The following GPR37 variants were observed in gnomAD, a reference collection of about 807,000 sequenced individuals.
GPR37 encodes prosaposin receptor GPR37.
A neutral mutation model predicts 43.6 loss-of-function variants in GPR37; 20 were observed. That is an observed-to-expected ratio of 0.46 (90% CI 0.32 to 0.67). The LOEUF (loss-of-function observed/expected upper bound fraction) is 0.67, where lower values mean the gene tolerates loss of function less well. GPR37 is among the 30% of genes least tolerant of loss of function. GPR37 has a pLI of 0.03. For missense variants in GPR37, 724 were observed against 797.2 expected (o/e 0.91, Z 1.11); for synonymous variants, 315 against 322.6 (o/e 0.98, Z 0.25).
intron 1 of GPR37, among the ~76,000 whole-genome samples, chr7:124,757,939 A>T (rs1793809500): frequency 6.6e-6 from 1 of 152,212 alleles, no homozygotes; most frequent in Non-Finnish European, 1.5e-5. Context: ...GATTACAGAA[A>T]ATAATAAATT....
intron 1 of GPR37, among the ~76,000 whole-genome samples, chr7:124,761,952 C>CT (rs1479542537): frequency 2.6e-5 from 4 of 151,780 alleles, no homozygotes; most frequent in Admixed American, 1.3e-4. Flanking sequence ...CTTTGATTCT[C>CT]TAAGAAAAAT....
Position 124,764,195 on chromosome 7 carries a change from G to A in GPR37, c.782C>T (p.Ala261Val), listed in dbSNP as rs1286290988. Residue 261 changes from alanine (A) to valine (V), a missense_variant, in exon 1 of 2, where the codon GCC becomes GTC. Around this residue, in one of 2 missense-constraint regions of GPR37, gnomAD observed 382 missense variants for 355.4 expected, o/e 1.07. Coordinates refer to ENST00000303921, the MANE Select transcript of GPR37 (RefSeq NM_005302.5). This position sits in a 1 kb window ranked among gnomAD's most constrained non-coding sequence, Gnocchi z 5.4. ...CACGGACAGACACATGACCGCGTAG[G>A]CTCCATAGGACTCCTGGGTCAGCGG... ...FYPLTQESYG[A>V]YAVMCLSVVI... 2 of 1,593,328 alleles carry A rather than the reference G, an allele frequency of 1.3e-6. No individual in the cohort carries two copies. Among genetic ancestry groups the A allele is most frequent in the South Asian group, 2.3e-5 (2 of 86,934 alleles).
At chr7:124,757,626 C>T (rs1181359026) in intron 1 of GPR37, among the ~76,000 whole-genome samples, 1 of 152,192 alleles carries the variant, frequency 6.6e-6, no homozygotes, top group Non-Finnish European at 1.5e-5. Flanking sequence ...TTCTCCATCT[C>T]TGGTCATAAC....
intron 1 of GPR37, among the ~76,000 whole-genome samples, chr7:124,757,250 G>A (rs963232103): frequency 1.3e-5 from 2 of 152,042 alleles, no homozygotes; most frequent in African/African-American, 4.8e-5. Context: ...TTAATATACT[G>A]TTATTACATT....
intron 1 of GPR37, among the ~76,000 whole-genome samples, chr7:124,747,594 TG>T (rs1438881174): frequency 6.6e-6 from 1 of 152,138 alleles, no homozygotes; most frequent in Non-Finnish European, 1.5e-5. Context: ...CATTTAGGAC[TG>T]GAAGGATCCA....
At chr7:124,751,073 C>T (rs1793724936) in intron 1 of GPR37, among the ~76,000 whole-genome samples, 1 of 152,120 alleles carries the variant, frequency 6.6e-6, no homozygotes, top group African/African-American at 2.4e-5. Flanking sequence ...AAAGCTCCTA[C>T]ATCCAGGCTT....
Position 124,764,962 on chromosome 7 carries a change from G to A in GPR37, c.15C>T (p.Gly5=). The A allele has an allele frequency of 6.7e-7, 1 of 1,492,194 alleles. No individual in the cohort carries two copies. 92.4% of individuals were successfully genotyped at this position (1,492,194 alleles called of 1,614,324 possible). MRAP[G]ALLARMSRLL... is the part of the protein sequence containing the mutation. ...GCCGCGACATGCGGGCGAGAAGCGC[G>A]CCCGGGGCTCGCATGGCTTGGTGAG... The change falls in exon 1 of 2, where the codon GGC becomes GGT. Residue 5 remains glycine, a synonymous_variant. Coordinates refer to ENST00000303921, the MANE Select transcript of GPR37 (RefSeq NM_005302.5). The surrounding 1 kb of genome is among the most constrained non-coding windows in gnomAD (Gnocchi z 5.4).
At chr7:124,756,273 G>C (rs1793789575) in intron 1 of GPR37, among the ~76,000 whole-genome samples, 1 of 152,128 alleles carries the variant, frequency 6.6e-6, no homozygotes, top group African/African-American at 2.4e-5. Context: ...CCTGAATAGA[G>C]TCACAGACCT....
rs1198137635 is a variant in GPR37, at chr7:124,746,035, G to A, written c.*490C>T. 3 of 152,122 alleles carry A rather than the reference G, an allele frequency of 2.0e-5. No homozygotes were observed. Among genetic ancestry groups the A allele is most frequent in the Non-Finnish European group, 4.4e-5 (3 of 68,058 alleles). The allele number at this position is 152,122 out of a possible 1,614,324, so 9.4% of individuals were successfully genotyped here. On this transcript the variant is annotated 3_prime_UTR_variant, in exon 2 of 2. Coordinates refer to ENST00000303921, the MANE Select transcript of GPR37 (RefSeq NM_005302.5). ...GCAATTAGAAGATTTATTGAATATT[G>A]GTTAAAAGTAGATTGACAATGACAT...
At chr7:124,758,468 C>A (rs1793815194) in intron 1 of GPR37, among the ~76,000 whole-genome samples, 1 of 152,138 alleles carries the variant, frequency 6.6e-6, no homozygotes, top group African/African-American at 2.4e-5. Flanking sequence ...AATGACTAAT[C>A]CACCTCTCAA....
chr7:124,761,649 G>A (rs1299829888), intron 1 of GPR37, among the ~76,000 whole-genome samples: 1 of 152,148 alleles, frequency 6.6e-6, no homozygotes, highest in Admixed American at 6.5e-5. Context: ...GGAACCCAAC[G>A]TAGGAGAAAC....
In GPR37 at chr7:124,762,185, A is replaced by G. The variant is rs10277441; in HGVS notation, c.1023+1769T>C. Reference sequence around the variant, plus strand: ...AAAAGAAAATTAAAATAAGTACATAATAAATGCCATTGCTCAAAATGCTTA... The same window carrying G: ...AAAAGAAAATTAAAATAAGTACATAGTAAATGCCATTGCTCAAAATGCTTA... On this transcript the variant is annotated intron_variant, in intron 1 of 1. Transcript: ENST00000303921. Among the ~76,000 whole-genome samples the G allele has an allele frequency of 4.0e-3, 604 of 152,318 alleles. 6 individuals are homozygous for G. The highest frequency in any genetic ancestry group is 0.014 in the African/African-American group (566 of 41,590).
chr7:124,762,949 C>A (rs1793867885), intron 1 of GPR37, among the ~76,000 whole-genome samples: 1 of 152,164 alleles, frequency 6.6e-6, no homozygotes, highest in African/African-American at 2.4e-5. Context: ...CAAGGGCCAG[C>A]TGGCTAAAAA....
chr7:124,754,614 TAACC>T (rs1021874894), intron 1 of GPR37, among the ~76,000 whole-genome samples: 3 of 152,148 alleles, frequency 2.0e-5, no homozygotes, highest in African/African-American at 7.2e-5. Context: ...GGAAAATTTC[TAACC>T]AAGTTCTTGT....
At position 124,764,188 on chromosome 7, in the gene GPR37, C is replaced by A; in HGVS notation, c.789G>T (p.Ala263=). ...PLTQESYGAY[A]VMCLSVVIFG... is the part of the protein sequence containing the mutation. ...AGATCACCACGGACAGACACATGACCGCGTAGGCTCCATAGGACTCCTGGG... is the reference window on the plus strand; with the variant it reads ...AGATCACCACGGACAGACACATGACAGCGTAGGCTCCATAGGACTCCTGGG... Residue 263 remains alanine (A), a synonymous_variant, in exon 1 of 2, where the codon GCG becomes GCT. Transcript: ENST00000303921. This position sits in a 1 kb window ranked among gnomAD's most constrained non-coding sequence, Gnocchi z 5.4. The A allele has an allele frequency of 1.9e-6, 3 of 1,594,318 alleles. No individual in the cohort carries two copies. The African/African-American group carries it at 4.0e-5, about 21-fold the overall frequency.
chr7:124,762,659 T>C (rs1029750080), intron 1 of GPR37, among the ~76,000 whole-genome samples: 2 of 152,224 alleles, frequency 1.3e-5, no homozygotes, highest in African/African-American at 4.8e-5. Flanking sequence ...GGAGAAATCA[T>C]GGACGCTGCT....
chr7:124,746,609 C>T lies in GPR37; in HGVS notation c.1758G>A (p.Glu586=), dbSNP rs1366329591. Residue 586 remains glutamate (E), a synonymous_variant, in exon 2 of 2, where the codon GAG becomes GAA. Transcript: ENST00000303921. ...STVTSDDNDN[E]YTTELELSPF... ...GCGAGAGTTCGAGTTCCGTGGTGTA[C>T]TCGTTGTCATTGTCATCACTGGTCA... 3 of 1,613,770 alleles carry T rather than the reference C, an allele frequency of 1.9e-6. No homozygotes were observed. The highest frequency in any genetic ancestry group is 2.5e-6 in the Non-Finnish European group (3 of 1,179,856).
intron 1 of GPR37, among the ~76,000 whole-genome samples, chr7:124,763,149 G>A (rs766743739): frequency 6.6e-6 from 1 of 152,156 alleles, no homozygotes; most frequent in Non-Finnish European, 1.5e-5. Context: ...TTCTTCCCAA[G>A]AAATTTTCTA....
chr7:124,757,072 G>A (rs963078942), intron 1 of GPR37, among the ~76,000 whole-genome samples: 2 of 152,152 alleles, frequency 1.3e-5, no homozygotes, highest in African/African-American at 4.8e-5. Context: ...TTATGTGCTT[G>A]AGAGATTAAT....
Sources: gnomAD v4.1 joint callset for allele counts (sites outside exome capture counted in the v4.1 genomes callset) on GRCh38, gnomAD v4.1.1 for gene constraint, gnomAD v4.1.1 regional missense constraint, Gnocchi (gnomAD v3.1) non-coding constraint, MANE v1.5 for transcripts, NCBI Gene and HGNC (gene_info 2026-07-23, HGNC 2026-07-21) for gene names.